Variants in SLC7A8 observed in about 807,000 individuals in gnomAD.
SLC7A8 encodes the protein large neutral amino acids transporter small subunit 2.
A neutral mutation model predicts 51.2 loss-of-function variants in SLC7A8; 30 were observed. That is an observed-to-expected ratio of 0.59 (90% CI 0.44 to 0.80). The LOEUF is 0.80. Among genes scored for constraint, SLC7A8 ranks in the 30% least tolerant of loss-of-function variants. The pLI is 0.00. For missense variants in SLC7A8, 612 were observed against 674.4 expected, an observed-to-expected ratio of 0.91 and a Z score of 1.03; for synonymous variants, 257 against 275.8, an observed-to-expected ratio of 0.93 and a Z score of 0.67.
In SLC7A8 at chr14:23,183,028, A is replaced by T. The variant is rs2140345479; in HGVS notation, c.-114T>A. ...AACGTCCTTTTCCGAAATAGGAACC[A>T]CTGCTACTCTCTAAAAAAGGCAAGC... On this transcript the variant is annotated 5_prime_UTR_variant, in exon 1 of 11. Coordinates refer to ENST00000316902, the MANE Select transcript of SLC7A8 (RefSeq NM_012244.4). The T allele has an allele frequency of 7.8e-7, 1 of 1,288,834 alleles. No individual in the cohort carries two copies. Among genetic ancestry groups the T allele is most frequent in the East Asian group, 2.5e-5 (1 of 40,550 alleles). 79.8% of individuals were successfully genotyped at this position (1,288,834 alleles called of 1,614,324 possible).
At chr14:23,181,399 G>A (rs181337055) in intron 1 of SLC7A8, among the ~76,000 whole-genome samples, 64 of 141,832 alleles carry the variant, frequency 4.5e-4, no homozygotes, top group African/African-American at 1.7e-3. Flanking sequence ...ACTTCCCAGA[G>A]TCAGGGAATC....
intron 7 of SLC7A8, among the ~76,000 whole-genome samples, chr14:23,131,997 C>CTTTTTTTTTTTTTTTTT (rs1268438002): frequency 7.2e-6 from 1 of 139,146 alleles, no homozygotes; most frequent in African/African-American, 2.7e-5. Context: ...TAAAAACACT[C>CTTTTTTTTTTTTTTTTT]TATTTTTTTT....
chr14:23,147,156 C>T (rs1414819577), intron 3 of SLC7A8, among the ~76,000 whole-genome samples: 4 of 151,894 alleles, frequency 2.6e-5, no homozygotes, highest in Admixed American at 1.3e-4. Flanking sequence ...TGCATCCATC[C>T]ACCCACCCAT....
intron 1 of SLC7A8, among the ~76,000 whole-genome samples, chr14:23,181,675 G>A (rs1877189951): frequency 6.6e-6 from 1 of 152,226 alleles, no homozygotes; most frequent in Non-Finnish European, 1.5e-5. Flanking sequence ...GACACAACGA[G>A]CTCTCATAAA....
chr14:23,129,585 A>G, intron 9 of SLC7A8, 65 bp downstream of exon 9: 1 of 1,570,290 alleles, frequency 6.4e-7, no homozygotes, highest in Non-Finnish European at 8.7e-7. Context: ...AGGTGATTTA[A>G]AAATCTGAAC....
In SLC7A8 at chr14:23,165,316, A is replaced by T. The variant is rs1261772100; in HGVS notation, c.477T>A (p.Ser159=). 6.2e-7 allele frequency: 1 copy of T among 1,609,434 alleles called. No homozygotes were observed. The highest frequency in any genetic ancestry group is 2.3e-5 in the East Asian group (1 of 44,060). ...PLFPTCFPPE[S]GLRLLAAICL... ...AGATGGCAGCCAGGAGCCGAAGGCC[A>T]GACTCTGGGGGGAAGCAGGTGGGGA... is the stretch of plus-strand genomic sequence containing the variant. The change falls in exon 3 of 11, where the codon TCT becomes TCA. Residue 159 remains serine, a synonymous_variant. Coordinates refer to ENST00000316902, the MANE Select transcript of SLC7A8 (RefSeq NM_012244.4). This position sits in a 1 kb window ranked among gnomAD's most constrained non-coding sequence, Gnocchi z 4.2.
rs537105062 is a variant in SLC7A8, at chr14:23,166,383, A to T, written c.309T>A (p.Ser103=). 1.0e-4 allele frequency: 162 copies of T among 1,614,128 alleles called. 2 individuals carry two copies. In the South Asian group the frequency reaches 1.7e-3, roughly 17 times the overall value. ...CCTTGACATAGGAGTAGTCACCTCC[A>T]GATTTGGGGATGGTGACCCCGAGTT... ...YAELGVTIPK[S]GGDYSYVKDI... The change falls in exon 2 of 11, where the codon TCT becomes TCA. Residue 103 remains serine (S), a synonymous_variant. Transcript: ENST00000316902.
chr14:23,142,472 C>T (rs1452291486), intron 4 of SLC7A8, among the ~76,000 whole-genome samples: 1 of 152,106 alleles, frequency 6.6e-6, no homozygotes, highest in East Asian at 1.9e-4. Flanking sequence ...GGCAAAAAGA[C>T]AATAGGAATC....
rs999595207 is a variant in SLC7A8, at chr14:23,152,807, G to A, written c.509-9603C>T. ...GGTCATTTTGTGCCTCCCTCAGGGA[G>A]CCAATGAACATTCCCACATGGATCC... On this transcript the variant is annotated intron_variant, in intron 3 of 10. Coordinates refer to ENST00000316902, the MANE Select transcript of SLC7A8 (RefSeq NM_012244.4). Among the ~76,000 whole-genome samples, 5 of 152,156 alleles carry A rather than the reference G, an allele frequency of 3.3e-5. No individual in the cohort carries two copies. The South Asian group carries it at 1.0e-3, about 32-fold the overall frequency.
chr14:23,158,178 G>A (rs2048903777), intron 3 of SLC7A8, among the ~76,000 whole-genome samples: 1 of 152,198 alleles, frequency 6.6e-6, no homozygotes, highest in Non-Finnish European at 1.5e-5. Context: ...ACTGATAAGT[G>A]TTTGTTGAGT....
At chr14:23,131,999 A>ATTTTTTT (rs1201371313) in intron 7 of SLC7A8, among the ~76,000 whole-genome samples, 8 of 98,192 alleles carry the variant, frequency 8.1e-5, no homozygotes, top group East Asian at 3.1e-4. Context: ...AAAACACTCT[A>ATTTTTTT]TTTTTTTTTT....
chr14:23,165,336 TG>T lies in SLC7A8; in HGVS notation c.456del (p.Thr153ProfsTer48). The T allele has an allele frequency of 6.2e-7, 1 of 1,605,432 alleles. No individual in the cohort carries two copies. The highest frequency in any genetic ancestry group is 8.5e-7 in the Non-Finnish European group (1 of 1,176,678). ...FSNYVLQPLFPTCFPPESGLR... is the reference protein window; with the variant it reads ...FSNYVLQPLFXTCFPPESGLR... ...AGGCCAGACTCTGGGGGGAAGCAGG[TG>T]GGGAAGAGCGGCTGCAGCACGTAGT... is the stretch of plus-strand genomic sequence containing the variant. On this transcript the variant is annotated frameshift_variant, in exon 3 of 11. Transcript: ENST00000316902. LOFTEE classifies it high-confidence loss of function. The surrounding 1 kb of genome is among the most constrained non-coding windows in gnomAD (Gnocchi z 4.2).
chr14:23,168,223 A>G (rs1297203544), intron 1 of SLC7A8, among the ~76,000 whole-genome samples: 2 of 152,220 alleles, frequency 1.3e-5, no homozygotes, highest in Admixed American at 6.5e-5. Flanking sequence ...AAGTTCTATG[A>G]TAGGACAACA....
intron 2 of SLC7A8, 126 bp downstream of exon 2, chr14:23,166,210 T>C (rs775242818): frequency 1.3e-5 from 12 of 943,104 alleles, no homozygotes; most frequent in Non-Finnish European, 1.8e-5. Flanking sequence ...GACATTCCAT[T>C]CACTAGCACC....
intron 3 of SLC7A8, among the ~76,000 whole-genome samples, chr14:23,145,997 C>A (rs1433437950): frequency 6.6e-6 from 1 of 152,184 alleles, no homozygotes; most frequent in African/African-American, 2.4e-5. Context: ...TTTGGTTTGT[C>A]TTACTCAATT....
intron 3 of SLC7A8, among the ~76,000 whole-genome samples, chr14:23,149,873 C>T (rs1352933055): frequency 6.6e-6 from 1 of 152,176 alleles, no homozygotes; most frequent in Non-Finnish European, 1.5e-5. Flanking sequence ...AATACAACTG[C>T]CTACAGTGCT....
At chr14:23,130,582 G>GA (rs1276757655) in intron 8 of SLC7A8, among the ~76,000 whole-genome samples, 1 of 151,858 alleles carries the variant, frequency 6.6e-6, no homozygotes, top group Non-Finnish European at 1.5e-5. Context: ...GCTCTAACTG[G>GA]AAAAAACAAA....
chr14:23,168,342 A>T (rs994233258), intron 1 of SLC7A8, among the ~76,000 whole-genome samples: 1 of 152,196 alleles, frequency 6.6e-6, no homozygotes, highest in South Asian at 2.1e-4. Context: ...GACTTTGGAC[A>T]CGTTCCCCCT....
chr14:23,138,499 C>T (rs1280256113), intron 6 of SLC7A8, among the ~76,000 whole-genome samples: 3 of 149,524 alleles, frequency 2.0e-5, no homozygotes, highest in African/African-American at 7.4e-5. Flanking sequence ...AGCTGTGAGA[C>T]CTTGAGCAAA....
Sources: gnomAD v4.1 joint callset for allele counts (sites outside exome capture counted in the v4.1 genomes callset) on GRCh38, gnomAD v4.1.1 for gene constraint, Gnocchi (gnomAD v3.1) non-coding constraint, MANE v1.5 for transcripts, NCBI Gene and HGNC (gene_info 2026-07-23, HGNC 2026-07-21) for gene names.